The following PDE4B variants were observed in gnomAD, a reference collection of about 807,000 sequenced individuals.
PDE4B encodes the protein phosphodiesterase 4B.
In PDE4B, 20 loss-of-function variants were observed where a neutral mutation model predicts 82.2. The ratio of observed to expected loss-of-function variants is 0.24; its 90% CI spans 0.17 to 0.35. The LOEUF (loss-of-function observed/expected upper bound fraction) is 0.35. PDE4B is among the 10% of genes least tolerant of loss of function. PDE4B has a pLI of 1.00. For missense variants in PDE4B, 655 were observed against 907.2 expected (o/e 0.72, Z 3.57); for synonymous variants, 320 against 318.9 (o/e 1.00, Z -0.04).
intron 7 of PDE4B, among the ~76,000 whole-genome samples, chr1:66,330,475 T>G (rs145219323): frequency 5.3e-5 from 8 of 152,348 alleles, no homozygotes; most frequent in African/African-American, 1.9e-4. Context: ...AGGAGAAATG[T>G]GATGTATCAT....
chr1:66,224,437 AG>A lies in PDE4B; in HGVS notation c.282-23022del, dbSNP rs148650480. 9.3e-3 allele frequency among the ~76,000 whole-genome samples: 1,420 copies of A among 152,296 alleles called. 7 individuals are homozygous for A. Among genetic ancestry groups the A allele is most frequent in the Non-Finnish European group, 0.015 (1,005 of 68,024 alleles). On this transcript the variant is annotated intron_variant, in intron 3 of 16. Coordinates refer to ENST00000341517, the MANE Select transcript of PDE4B (RefSeq NM_002600.4). ...AATGGCTGGAGAAAAATAGTCAAGCAGCCGGGCACAGTGGCTCACACGTGTA... is the reference window on the plus strand; with the variant it reads ...AATGGCTGGAGAAAAATAGTCAAGCACCGGGCACAGTGGCTCACACGTGTA...
rs1209578290 is a variant in PDE4B at position 66,305,675 on chromosome 1, C to T, written c.635-26833C>T. 2.6e-5 allele frequency among the ~76,000 whole-genome samples: 4 copies of T among 152,062 alleles called. No homozygotes were observed. The East Asian group carries it at 7.7e-4, about 29-fold the overall frequency. ...GCAGAAGCAATTTAATTTGGTGTTGCTATTTCAGAAGATCTTATATTGTTT... is the reference window on the plus strand; with the variant it reads ...GCAGAAGCAATTTAATTTGGTGTTGTTATTTCAGAAGATCTTATATTGTTT... On this transcript the variant is annotated intron_variant, in intron 7 of 16. Coordinates refer to ENST00000341517, the MANE Select transcript of PDE4B (RefSeq NM_002600.4).
chr1:66,235,059 AC>A (rs1387370171), intron 3 of PDE4B, among the ~76,000 whole-genome samples: 2 of 152,202 alleles, frequency 1.3e-5, no homozygotes, highest in African/African-American at 2.4e-5. Flanking sequence ...CTGGGGCTTT[AC>A]CAAAAATCTT....
rs1324752340 is a variant in PDE4B, at chr1:66,212,031, A to G, written c.282-35429A>G. ...TCCAGCACATTCCTTGGATACCTCA[A>G]TATTATTCTCTGCCCTCTTTGTGCA... On this transcript the variant is annotated intron_variant, in intron 3 of 16. Transcript: ENST00000341517. Among the ~76,000 whole-genome samples, 3 of 152,208 alleles carry G rather than the reference A, an allele frequency of 2.0e-5. No individual in the cohort carries two copies. In the South Asian group the frequency reaches 6.2e-4, roughly 32 times the overall value.
chr1:65,984,481 A>G (rs1650852114), intron 3 of PDE4B, among the ~76,000 whole-genome samples: 1 of 152,184 alleles, frequency 6.6e-6, no homozygotes. Context: ...ATTTCGTGAT[A>G]AATTAAAAAG....
At chr1:66,228,014 G>C (rs1174264305) in intron 3 of PDE4B, among the ~76,000 whole-genome samples, 2 of 152,058 alleles carry the variant, frequency 1.3e-5, no homozygotes, top group African/African-American at 2.4e-5. Flanking sequence ...CTCATTTCCT[G>C]CTACTCACCC....
At chr1:66,087,588 G>T (rs1418391795) in intron 3 of PDE4B, among the ~76,000 whole-genome samples, 1 of 151,992 alleles carries the variant, frequency 6.6e-6, no homozygotes, top group Non-Finnish European at 1.5e-5. Context: ...GTCCTGAATG[G>T]TAATGCCTAG....
At chr1:66,025,828 A>G (rs1653404406) in intron 3 of PDE4B, among the ~76,000 whole-genome samples, 1 of 152,194 alleles carries the variant, frequency 6.6e-6, no homozygotes, top group Non-Finnish European at 1.5e-5. Flanking sequence ...AGGACTGCTA[A>G]CAACCACAAA....
intron 3 of PDE4B, among the ~76,000 whole-genome samples, chr1:66,186,427 G>A (rs1194946632): frequency 6.6e-6 from 1 of 152,152 alleles, no homozygotes; most frequent in African/African-American, 2.4e-5. Flanking sequence ...ACCTTGGGCA[G>A]TATGGCCATT....
At chr1:66,182,421 G>T (rs1570414640) in intron 3 of PDE4B, among the ~76,000 whole-genome samples, 2 of 152,108 alleles carry the variant, frequency 1.3e-5, no homozygotes, top group South Asian at 4.2e-4. Flanking sequence ...AAAGAAAATT[G>T]CTCTCCTATT....
At chr1:66,203,905 T>C (rs1557631913) in intron 3 of PDE4B, among the ~76,000 whole-genome samples, 1 of 152,218 alleles carries the variant, frequency 6.6e-6, no homozygotes, top group Non-Finnish European at 1.5e-5. Flanking sequence ...TGCATTCCTT[T>C]GGAGGAGGAG....
intron 1 of PDE4B, among the ~76,000 whole-genome samples, chr1:65,856,740 C>T (rs996083499): frequency 3.3e-5 from 5 of 152,128 alleles, no homozygotes; most frequent in Non-Finnish European, 7.3e-5. Context: ...GTTCTTGATC[C>T]TTGAGGAATC....
Position 66,240,790 on chromosome 1 carries a change from T to C in PDE4B, c.282-6670T>C, listed in dbSNP as rs541755345. Among the ~76,000 whole-genome samples, 642 of 151,682 alleles carry C rather than the reference T, an allele frequency of 4.2e-3. 4 individuals carry two copies. Among genetic ancestry groups the C allele is most frequent in the African/African-American group, 0.015 (614 of 40,986 alleles). Reference sequence around the variant, plus strand: ...ACCACACTTGATAACCAACATTTTTTCTATCTCCAAAATGTCTGCAAGTTG... The same window carrying C: ...ACCACACTTGATAACCAACATTTTTCCTATCTCCAAAATGTCTGCAAGTTG... On this transcript the variant is annotated intron_variant, in intron 3 of 16. Transcript: ENST00000341517.
chr1:65,857,873 T>A (rs1383540273), intron 1 of PDE4B, among the ~76,000 whole-genome samples: 13 of 152,302 alleles, frequency 8.5e-5, no homozygotes, highest in Admixed American at 6.5e-4. Flanking sequence ...AGATTCCAGA[T>A]TCCTGATCTT....
At chr1:66,166,433 G>A (rs376833504) in intron 3 of PDE4B, among the ~76,000 whole-genome samples, 6 of 152,118 alleles carry the variant, frequency 3.9e-5, no homozygotes, top group Admixed American at 1.3e-4. Context: ...TTCCAAGGAC[G>A]CTATTAAAAC....
intron 3 of PDE4B, among the ~76,000 whole-genome samples, chr1:65,999,183 G>A (rs1330037475): frequency 3.3e-5 from 5 of 152,200 alleles, no homozygotes; most frequent in East Asian, 1.9e-4. Flanking sequence ...TCCCACTTGC[G>A]TTCTCTTTCC....
At chr1:65,985,262 T>A (rs1162458641) in intron 3 of PDE4B, among the ~76,000 whole-genome samples, 1 of 152,184 alleles carries the variant, frequency 6.6e-6, no homozygotes, top group African/African-American at 2.4e-5. Flanking sequence ...AAACACATAA[T>A]GGATCTCTGC....
At chr1:66,354,645 C>T in intron 8 of PDE4B, 1 of 1,388,246 alleles carries the variant, frequency 7.2e-7, no homozygotes, top group Non-Finnish European at 9.3e-7. Context: ...GGAGCATAGG[C>T]TTCTTGCAAG....
At chr1:65,880,008 CA>C (rs1646691941) in intron 1 of PDE4B, among the ~76,000 whole-genome samples, 1 of 152,150 alleles carries the variant, frequency 6.6e-6, no homozygotes, top group Non-Finnish European at 1.5e-5. Context: ...TGCTGCTTCC[CA>C]AAACATTAAT....
Sources: allele counts gnomAD v4.1 joint callset (sites outside exome capture counted in the v4.1 genomes callset), GRCh38; gene constraint gnomAD v4.1.1; transcripts MANE v1.5; gene names NCBI Gene and HGNC (gene_info 2026-07-23, HGNC 2026-07-21).